Variants in POLE2 observed in about 807,000 individuals in gnomAD.
POLE2 encodes the protein DNA polymerase epsilon subunit 2.
Under a neutral mutation model 79.4 loss-of-function variants are expected in POLE2, and 56 were observed. That is an observed-to-expected ratio of 0.71 (90% confidence interval 0.57 to 0.88). The LOEUF (loss-of-function observed/expected upper bound fraction) is 0.88, where lower values mean the gene tolerates loss of function less well. POLE2 is among the 40% of genes least tolerant of loss of function. The pLI is 0.00. For missense variants in POLE2, 598 were observed against 638.9 expected (o/e 0.94, Z 0.69); for synonymous variants, 212 against 214.0 (o/e 0.99, Z 0.08).
intron 5 of POLE2, 55 bp from the exon 6 acceptor site, chr14:49,669,653 T>A: frequency 1.1e-6 from 1 of 900,320 alleles, no homozygotes. Flanking sequence ...AAATATAAGA[T>A]TCATTAAAAT....
chr14:49,651,237 A>C, intron 16 of POLE2, 32 bp downstream of exon 16: 1 of 922,878 alleles, frequency 1.1e-6, no homozygotes, highest in Non-Finnish European at 1.8e-6. Context: ...GCAACATGTA[A>C]GGCAGTTTAA....
intron 7 of POLE2, among the ~76,000 whole-genome samples, chr14:49,665,677 GT>G (rs762726338): frequency 0.022 from 2,892 of 132,500 alleles, 24 homozygotes; most frequent in African/African-American, 0.032. Context: ...TTTTTTCTGG[GT>G]TTTTTTTTTT....
In POLE2 at chr14:49,643,635, G is replaced by A; in HGVS notation, c.*17C>T. On this transcript the variant is annotated 3_prime_UTR_variant, in exon 19 of 19. Coordinates refer to ENST00000216367, the MANE Select transcript of POLE2 (RefSeq NM_002692.4). ...GCAGAAAACTGATGAATTTTCTTCA[G>A]ATGATCTTTAAGAATCTCAAAAGCC... The A allele has an allele frequency of 1.5e-6, 2 of 1,337,380 alleles. No homozygotes were observed. Among genetic ancestry groups the A allele is most frequent in the South Asian group, 2.6e-5 (2 of 77,838 alleles). The allele number at this position is 1,337,380 out of a possible 1,614,324, so 82.8% of individuals were successfully genotyped here.
intron 10 of POLE2, among the ~76,000 whole-genome samples, chr14:49,661,985 CCT>C (rs1885130114): frequency 6.6e-6 from 1 of 152,134 alleles, no homozygotes; most frequent in African/African-American, 2.4e-5. Flanking sequence ...CTCAACTATA[CCT>C]CTCATTCCAA....
intron 2 of POLE2, among the ~76,000 whole-genome samples, chr14:49,682,681 G>A (rs898907177): frequency 1.4e-4 from 19 of 136,108 alleles, no homozygotes; most frequent in Non-Finnish European, 6.2e-5. Context: ...ATTTTCTACA[G>A]TTTGCTTTCA....
At chr14:49,644,599 T>C (rs1883627470) in intron 18 of POLE2, among the ~76,000 whole-genome samples, 1 of 152,206 alleles carries the variant, frequency 6.6e-6, no homozygotes, top group Non-Finnish European at 1.5e-5. Context: ...TAGGATATTA[T>C]GCATACTTTC....
chr14:49,676,985 G>A (rs1005027415), intron 3 of POLE2, among the ~76,000 whole-genome samples: 2 of 152,224 alleles, frequency 1.3e-5, no homozygotes, highest in Admixed American at 6.5e-5. Context: ...GAGACATCAT[G>A]GGCCATGCAC....
intron 18 of POLE2, among the ~76,000 whole-genome samples, chr14:49,644,000 C>T (rs1046076797): frequency 6.7e-6 from 1 of 149,776 alleles, no homozygotes; most frequent in Non-Finnish European, 1.5e-5. Context: ...CTGCCTCAGC[C>T]TCCTGAGTAG....
intron 17 of POLE2, among the ~76,000 whole-genome samples, chr14:49,648,090 C>A (rs868017885): frequency 6.6e-6 from 1 of 152,150 alleles, no homozygotes; most frequent in East Asian, 1.9e-4. Context: ...ATTTGCATTC[C>A]TATGTACCTG....
intron 2 of POLE2, among the ~76,000 whole-genome samples, chr14:49,682,500 G>C (rs1886787672): frequency 6.6e-6 from 1 of 151,332 alleles, no homozygotes; most frequent in African/African-American, 2.4e-5. Context: ...AGCCAGGCAT[G>C]GTGGCGCACA....
In POLE2 at chr14:49,683,611, C is replaced by A. The variant is rs1380193801; in HGVS notation, c.151G>T (p.Ala51Ser). The change falls in exon 2 of 19, where the codon GCA becomes TCA. Residue 51 changes from alanine (A) to serine (S), a missense_variant. By Grantham distance (99) the Ala-to-Ser change is moderately conservative. Transcript: ENST00000216367. Reference sequence around the variant, plus strand: ...TACTTACAGGGTTGCTTCTCAACTGCATTAATTATCTTTTCCAGTTTATCT... The same window carrying A: ...TACTTACAGGGTTGCTTCTCAACTGAATTAATTATCTTTTCCAGTTTATCT... The part of the protein sequence containing the change: ...LEDKLEKIIN[A>S]VEKQPLSSNM... 2.6e-6 allele frequency: 4 copies of A among 1,556,714 alleles called. No homozygotes were observed. The highest frequency in any genetic ancestry group is 1.4e-5 in the African/African-American group (1 of 73,848).
At chr14:49,678,231 G>A (rs539486257) in intron 3 of POLE2, among the ~76,000 whole-genome samples, 10 of 152,014 alleles carry the variant, frequency 6.6e-5, no homozygotes, top group Non-Finnish European at 1.0e-4. Context: ...TCGAACTCCT[G>A]ACCTCAGGTG....
At chr14:49,664,326 G>A (rs553572386) in intron 9 of POLE2, among the ~76,000 whole-genome samples, 1 of 149,796 alleles carries the variant, frequency 6.7e-6, no homozygotes, top group South Asian at 2.1e-4. Context: ...TCCAGCCTAG[G>A]TGACAGAGTG....
At chr14:49,656,382 G>A (rs1225988158) in intron 10 of POLE2, among the ~76,000 whole-genome samples, 5 of 148,870 alleles carry the variant, frequency 3.4e-5, no homozygotes, top group Non-Finnish European at 7.4e-5. Flanking sequence ...ACTGACTAAA[G>A]CAAACATTAA....
In POLE2 at chr14:49,654,448, T is replaced by C. The variant is rs1884502193; in HGVS notation, c.1074-234A>G. The C allele has an allele frequency of 8.4e-6, 4 of 477,262 alleles. No individual in the cohort carries two copies. In the South Asian group the frequency reaches 1.1e-4, roughly 13 times the overall value. 29.6% of individuals were successfully genotyped at this position (477,262 alleles called of 1,614,324 possible). A position where few individuals can be genotyped will look rare whatever the true frequency, so the allele number is the denominator to read the frequency against. ...ACACTTGAATTGTGGCTAGCATAGCTGATGGACTGAATTTTATATTTAAAT... is the reference window on the plus strand; with the variant it reads ...ACACTTGAATTGTGGCTAGCATAGCCGATGGACTGAATTTTATATTTAAAT... On this transcript the variant is annotated intron_variant, in intron 13 of 18. Coordinates refer to ENST00000216367, the MANE Select transcript of POLE2 (RefSeq NM_002692.4).
In POLE2 at chr14:49,663,334, C is replaced by T. The variant is rs1350101780; in HGVS notation, c.736G>A (p.Glu246Lys). ...TAATACCTAGTAGTACTAGAGGGCT[C>T]AGTGGGTGGAAATCCAAAGGCATTG... The part of the protein sequence containing the change: ...HVNAFGFPPT[E>K]PSSTTRAYYG... The change falls in exon 10 of 19, where the codon GAG becomes AAG. Residue 246 changes from glutamate to lysine, a missense_variant. By Grantham distance (56) the Glu-to-Lys change is moderately conservative. Coordinates refer to ENST00000216367, the MANE Select transcript of POLE2 (RefSeq NM_002692.4). The T allele has an allele frequency of 1.2e-6, 2 of 1,605,284 alleles. No individual in the cohort carries two copies. Among genetic ancestry groups the T allele is most frequent in the South Asian group, 1.1e-5 (1 of 90,208 alleles).
intron 9 of POLE2, 113 bp downstream of exon 9, chr14:49,664,513 T>C (rs1885335141): frequency 2.7e-6 from 2 of 739,590 alleles, no homozygotes; most frequent in Non-Finnish European, 4.8e-6. Flanking sequence ...GCCAAAAATA[T>C]GCTCTTCTAA....
At chr14:49,672,284 A>G (rs45560631) in intron 5 of POLE2, among the ~76,000 whole-genome samples, 29,553 of 152,194 alleles carry the variant, frequency 0.19, 3,093 homozygotes, top group African/African-American at 0.25. Context: ...AGACTTCTGT[A>G]CAAAACCCAC....
At chr14:49,658,004 A>C (rs1884822850) in intron 10 of POLE2, among the ~76,000 whole-genome samples, 2 of 152,124 alleles carry the variant, frequency 1.3e-5, no homozygotes, top group Admixed American at 6.5e-5. Context: ...CTCCCCACAC[A>C]AAACTGGCCC....
Sources: allele counts gnomAD v4.1 joint callset (sites outside exome capture counted in the v4.1 genomes callset), GRCh38; gene constraint gnomAD v4.1.1; transcripts MANE v1.5; gene names NCBI Gene and HGNC (gene_info 2026-07-23, HGNC 2026-07-21).